RBFOX1: variants seen among roughly 807,000 people sequenced by gnomAD.
RBFOX1 encodes the protein RNA binding protein fox-1 homolog 1.
RBFOX1 carries 8 observed loss-of-function variants against 57.7 expected under a neutral mutation model. The observed-to-expected ratio is 0.14, with a 90% CI of 0.08 to 0.25. RBFOX1 has a LOEUF of 0.25. RBFOX1 is among the 10% of genes least tolerant of loss of function. The pLI, the probability that RBFOX1 is intolerant of heterozygous loss-of-function variation, is 1.00. For missense variants in RBFOX1, 611 were observed against 548.5 expected, an observed-to-expected ratio of 1.11 and a Z score of -1.14; for synonymous variants, 326 against 222.4, an observed-to-expected ratio of 1.47 and a Z score of -4.15.
chr16:5,536,099 C>CT (rs113677236), intron 2 of RBFOX1, among the ~76,000 whole-genome samples: 1 of 146,870 alleles, frequency 6.8e-6, no homozygotes. Context: ...CATCAAGCCC[C>CT]CCCCCCCTTT....
At chr16:6,655,340 C>T (rs976867716) in intron 3 of RBFOX1, among the ~76,000 whole-genome samples, 3 of 125,616 alleles carry the variant, frequency 2.4e-5, no homozygotes. Flanking sequence ...CACCAGCGCA[C>T]TCCAGCCTGA....
intron 4 of RBFOX1, among the ~76,000 whole-genome samples, chr16:5,995,305 C>T (rs546215279): frequency 2.0e-5 from 3 of 152,140 alleles, no homozygotes; most frequent in South Asian, 2.1e-4. Context: ...TCTTAGAGCC[C>T]AAATCCACAT....
intron 3 of RBFOX1, among the ~76,000 whole-genome samples, chr16:6,772,981 G>GTA (rs2078613680): frequency 7.0e-6 from 1 of 141,956 alleles, no homozygotes; most frequent in Admixed American, 7.0e-5. Context: ...TTGTGTGCGT[G>GTA]TGTGTGGGTG....
At chr16:5,553,113 C>G (rs1352871800) in intron 2 of RBFOX1, among the ~76,000 whole-genome samples, 2 of 152,114 alleles carry the variant, frequency 1.3e-5, no homozygotes, top group Non-Finnish European at 2.9e-5. Flanking sequence ...CGAGCAACAT[C>G]ACATACCCGG....
intron 4 of RBFOX1, among the ~76,000 whole-genome samples, chr16:5,933,920 A>AT (rs2059118991): frequency 6.6e-6 from 1 of 151,644 alleles, no homozygotes; most frequent in African/African-American, 2.4e-5. Flanking sequence ...CCCAATAATT[A>AT]TTTTTTCTGT....
intron 4 of RBFOX1, among the ~76,000 whole-genome samples, chr16:7,147,169 A>AT (rs2075170682): frequency 7.1e-6 from 1 of 139,964 alleles, no homozygotes; most frequent in African/African-American, 2.7e-5. Flanking sequence ...TTTATTTTTT[A>AT]TTTTTTTGTA....
rs565048898 is a variant in RBFOX1, at chr16:7,549,923, T to C, written c.271-29854T>C. Among the ~76,000 whole-genome samples, 47 of 150,200 alleles carry C rather than the reference T, an allele frequency of 3.1e-4. No homozygotes were observed. In the South Asian group the frequency reaches 9.3e-3, roughly 30 times the overall value. On this transcript the variant is annotated intron_variant, in intron 5 of 15. Coordinates refer to ENST00000550418, the MANE Select transcript of RBFOX1 (RefSeq NM_018723.4). Reference sequence around the variant, plus strand: ...TATTAACCATCATCATATCCTTCTCTTTTTCTTTTTCTTTTATTTTTTTAG... The same window carrying C: ...TATTAACCATCATCATATCCTTCTCCTTTTCTTTTTCTTTTATTTTTTTAG...
At chr16:5,438,910 T>C (rs373938277) in intron 1 of RBFOX1, among the ~76,000 whole-genome samples, 1 of 152,080 alleles carries the variant, frequency 6.6e-6, no homozygotes, top group Non-Finnish European at 1.5e-5. Flanking sequence ...CTCTCTTGTC[T>C]TCAAGCTAAT....
In RBFOX1 at chr16:6,263,435, A is replaced by G. The variant is rs115324210; in HGVS notation, c.-126-53560A>G. On this transcript the variant is annotated intron_variant, in intron 1 of 15. Transcript: ENST00000550418. The stretch of plus-strand genomic sequence containing the variant: ...CACATTCAATTGGTTGGGGGAAAAA[A>G]GTAAACTTATTTGGAGGTACATTTC... Among the ~76,000 whole-genome samples, 1,207 of 152,310 alleles carry G rather than the reference A, an allele frequency of 7.9e-3. 16 individuals are homozygous for G. Among genetic ancestry groups the G allele is most frequent in the African/African-American group, 0.028 (1,152 of 41,572 alleles).
chr16:6,104,653 A>T (rs963323845), intron 1 of RBFOX1, among the ~76,000 whole-genome samples: 2 of 152,214 alleles, frequency 1.3e-5, no homozygotes, highest in African/African-American at 2.4e-5. Context: ...AAGTGTAAGC[A>T]GTCAAAATGT....
intron 3 of RBFOX1, among the ~76,000 whole-genome samples, chr16:6,736,060 A>G (rs1172487649): frequency 8.0e-6 from 1 of 125,048 alleles, no homozygotes; most frequent in African/African-American, 3.1e-5. Context: ...TATTTTTCTG[A>G]TCTATCCAGT....
chr16:6,564,881 C>T (rs1040060739), intron 2 of RBFOX1, among the ~76,000 whole-genome samples: 1 of 152,116 alleles, frequency 6.6e-6, no homozygotes, highest in Non-Finnish European at 1.5e-5. Flanking sequence ...TGGCTCATGT[C>T]TGTAATCCCA....
intron 4 of RBFOX1, among the ~76,000 whole-genome samples, chr16:7,268,027 C>T (rs967447828): frequency 3.3e-5 from 5 of 152,162 alleles, no homozygotes; most frequent in East Asian, 1.9e-4. Flanking sequence ...ATGCTGTAGC[C>T]TACGACACAT....
intron 2 of RBFOX1, among the ~76,000 whole-genome samples, chr16:6,621,017 G>GA (rs1452061589): frequency 6.6e-6 from 1 of 152,218 alleles, no homozygotes; most frequent in Non-Finnish European, 1.5e-5. Context: ...CTTGGAAGGA[G>GA]AATCTGATCC....
intron 1 of RBFOX1, among the ~76,000 whole-genome samples, chr16:6,230,706 A>C (rs1404488421): frequency 6.6e-6 from 1 of 152,226 alleles, no homozygotes; most frequent in Non-Finnish European, 1.5e-5. Flanking sequence ...CTGATTGAGC[A>C]AATATCTTAT....
intron 2 of RBFOX1, among the ~76,000 whole-genome samples, chr16:6,405,086 A>G (rs2093227647): frequency 6.6e-6 from 1 of 152,226 alleles, no homozygotes; most frequent in Non-Finnish European, 1.5e-5. Context: ...TGTGAGCCCA[A>G]CATTCTCATG....
intron 1 of RBFOX1, among the ~76,000 whole-genome samples, chr16:5,433,575 C>G (rs749567982): frequency 6.6e-6 from 1 of 152,130 alleles, no homozygotes; most frequent in Non-Finnish European, 1.5e-5. Context: ...AAGAGAGGGA[C>G]ACAAAGAGAT....
chr16:6,758,659 A>G (rs1191548946), intron 3 of RBFOX1, among the ~76,000 whole-genome samples: 3 of 152,224 alleles, frequency 2.0e-5, no homozygotes, highest in Admixed American at 6.5e-5. Context: ...AGACTGTGTT[A>G]GTAGCAAGAC....
At chr16:7,457,709 C>T (rs975022798) in intron 4 of RBFOX1, among the ~76,000 whole-genome samples, 1 of 152,144 alleles carries the variant, frequency 6.6e-6, no homozygotes. Flanking sequence ...CCTAAGAGGG[C>T]CCTCCCCATT....
Sources: gnomAD v4.1 joint callset for allele counts (sites outside exome capture counted in the v4.1 genomes callset) on GRCh38, gnomAD v4.1.1 for gene constraint, MANE v1.5 for transcripts, NCBI Gene and HGNC (gene_info 2026-07-23, HGNC 2026-07-21) for gene names.